Variants in DYNC1I2 observed in about 807,000 individuals in gnomAD.
DYNC1I2 encodes cytoplasmic dynein 1 intermediate chain 2.
A neutral mutation model predicts 88.6 loss-of-function variants in DYNC1I2; 53 were observed. The observed-to-expected ratio is 0.60, with a 90% confidence interval of 0.48 to 0.75. The LOEUF (loss-of-function observed/expected upper bound fraction) is 0.75. DYNC1I2 is among the 30% of genes least tolerant of loss of function. DYNC1I2 has a pLI of 0.00. For synonymous variants in DYNC1I2, 198 were observed against 254.6 expected, an observed-to-expected ratio of 0.78 and a Z score of 2.12; for missense variants, 458 against 766.6, an observed-to-expected ratio of 0.60 and a Z score of 4.75.
intron 15 of DYNC1I2, among the ~76,000 whole-genome samples, chr2:171,738,083 G>A (rs186268828): frequency 6.6e-6 from 1 of 152,156 alleles, no homozygotes; most frequent in Admixed American, 6.6e-5. Context: ...TGTAATTCCA[G>A]CACTTTGGGA....
Position 171,725,598 on chromosome 2 carries a change from G to GTTTTTTTTTTTTTTTTTTTTTGTTTTTT in DYNC1I2, c.512-4_512-3insTTTTTGTTTTTTTTTTTTTTTTTTTTTT. 1.1e-6 allele frequency: 1 copy of GTTTTTTTTTTTTTTTTTTTTTGTTTTTT among 894,262 alleles called. No individual in the cohort carries two copies. The highest frequency in any genetic ancestry group is 2.3e-5 in the South Asian group (1 of 42,984). The allele number at this position is 894,262 out of a possible 1,614,324, so 55.4% of individuals were successfully genotyped here. ...ATTCTGTTTTTTTGTTTTTTTGTTT[G>GTTTTTTTTTTTTTTTTTTTTTGTTTTTT]TTTTTTTTTTTTTTTTCAGATGAAG... On this transcript the variant is annotated intron_variant, in intron 7 of 17. Transcript: ENST00000397119.
At chr2:171,710,607 T>C (rs1275976672) in intron 5 of DYNC1I2, among the ~76,000 whole-genome samples, 2 of 152,190 alleles carry the variant, frequency 1.3e-5, no homozygotes, top group Non-Finnish European at 2.9e-5. Context: ...CTCTCTAACT[T>C]TGCAGATTAG....
chr2:171,733,474 T>G (rs1487564835), intron 15 of DYNC1I2, among the ~76,000 whole-genome samples: 1 of 144,196 alleles, frequency 6.9e-6, no homozygotes. Context: ...TTTTTTTTTT[T>G]TTTTTTTTTT....
intron 15 of DYNC1I2, among the ~76,000 whole-genome samples, chr2:171,741,093 A>G (rs1412622403): frequency 6.6e-5 from 10 of 152,266 alleles, no homozygotes; most frequent in African/African-American, 2.4e-4. Context: ...ACTTTGCATA[A>G]TGTTTTCAAG....
chr2:171,692,854 A>T lies in DYNC1I2; in HGVS notation c.186A>T (p.Ala62=). 1.9e-6 allele frequency: 3 copies of T among 1,607,172 alleles called. No individual in the cohort carries two copies. The South Asian group carries it at 3.4e-5, about 18-fold the overall frequency. The change falls in exon 3 of 18, where the codon GCA becomes GCT. Residue 62 remains alanine (A), a synonymous_variant. Coordinates refer to ENST00000397119, the MANE Select transcript of DYNC1I2 (RefSeq NM_001378.3). Reference sequence around the variant, plus strand: ...AAAAAAAAAGGAGAGAAGCTGAAGCATTGCTTCAAAGCATGGGGCTAACTC... The same window carrying T: ...AAAAAAAAAGGAGAGAAGCTGAAGCTTTGCTTCAAAGCATGGGGCTAACTC... ...DLEKKRREAE[A]LLQSMGLTPE... is the part of the protein sequence containing the mutation.
At chr2:171,694,005 T>C (rs1002274070) in intron 3 of DYNC1I2, among the ~76,000 whole-genome samples, 14 of 152,062 alleles carry the variant, frequency 9.2e-5, no homozygotes, top group South Asian at 8.3e-4. Context: ...CTTAAGACTT[T>C]AGTTTCACTG....
intron 15 of DYNC1I2, among the ~76,000 whole-genome samples, chr2:171,739,046 G>A (rs1394061393): frequency 6.7e-6 from 1 of 150,084 alleles, no homozygotes; most frequent in Non-Finnish European, 1.5e-5. Flanking sequence ...TCCTCGGGAG[G>A]CAGAGGTTGC....
At chr2:171,724,792 T>C (rs1688126916) in intron 7 of DYNC1I2, among the ~76,000 whole-genome samples, 1 of 152,182 alleles carries the variant, frequency 6.6e-6, no homozygotes, top group Non-Finnish European at 1.5e-5. Flanking sequence ...CCCATCTCAG[T>C]GTGTAGCAAA....
intron 7 of DYNC1I2, among the ~76,000 whole-genome samples, chr2:171,721,517 G>T (rs1687901103): frequency 6.6e-6 from 1 of 152,052 alleles, no homozygotes; most frequent in African/African-American, 2.4e-5. Context: ...GGGATTTTTT[G>T]AAAATATTAA....
chr2:171,743,168 A>C (rs933113448), intron 15 of DYNC1I2, among the ~76,000 whole-genome samples: 1 of 152,224 alleles, frequency 6.6e-6, no homozygotes, highest in East Asian at 1.9e-4. Flanking sequence ...CTTAAGGGCA[A>C]GCTAAAGAAA....
chr2:171,688,828 C>G (rs1368910773), intron 1 of DYNC1I2, among the ~76,000 whole-genome samples: 1 of 152,100 alleles, frequency 6.6e-6, no homozygotes, highest in African/African-American at 2.4e-5. Context: ...GAGATTTCCC[C>G]TAACCTCTGG....
chr2:171,711,520 A>G (rs1687127177), intron 5 of DYNC1I2, among the ~76,000 whole-genome samples: 1 of 152,240 alleles, frequency 6.6e-6, no homozygotes, highest in Admixed American at 6.5e-5. Flanking sequence ...CTCTTACATA[A>G]TGTAAATGAC....
At chr2:171,706,410 G>T in intron 3 of DYNC1I2, 137 bp from the exon 4 acceptor site, 2 of 717,694 alleles carry the variant, frequency 2.8e-6, no homozygotes, top group Non-Finnish European at 2.4e-6. Flanking sequence ...TTCAGCTGTT[G>T]TTATATAATG....
rs2105805010 is a variant in DYNC1I2 at position 171,750,041 on chromosome 2, T to A, written c.*2152T>A. ...AGCTATAGCTTTCTGGTTAATTTCT[T>A]ATTTTTCGTTGTTTGGTTTTTGTCT... On this transcript the variant is annotated 3_prime_UTR_variant, in exon 18 of 18. Coordinates refer to ENST00000397119, the MANE Select transcript of DYNC1I2 (RefSeq NM_001378.3). Among the ~76,000 whole-genome samples, 1 of 152,334 alleles carries A rather than the reference T, an allele frequency of 6.6e-6. No individual in the cohort carries two copies. Among genetic ancestry groups the A allele is most frequent in the Non-Finnish European group, 1.5e-5 (1 of 68,020 alleles).
At chr2:171,729,284 G>A (rs1016080037) in intron 14 of DYNC1I2, among the ~76,000 whole-genome samples, 18 of 151,752 alleles carry the variant, frequency 1.2e-4, no homozygotes, top group East Asian at 9.7e-4. Context: ...TTCTCCTTCC[G>A]TTCTGTCTGT....
intron 15 of DYNC1I2, among the ~76,000 whole-genome samples, chr2:171,730,431 C>T (rs1688530363): frequency 6.6e-6 from 1 of 152,140 alleles, no homozygotes; most frequent in African/African-American, 2.4e-5. Flanking sequence ...TTTTAATAAA[C>T]TTCAGTATTT....
intron 4 of DYNC1I2, 186 bp from the exon 5 acceptor site, chr2:171,707,101 T>G: frequency 1.9e-5 from 15 of 769,892 alleles, no homozygotes; most frequent in Non-Finnish European, 2.9e-5. Context: ...TCAGCATGCA[T>G]TGTTAACTTT....
rs532233985 is a variant in DYNC1I2 at position 171,691,062 on chromosome 2, T to C, written c.108+799T>C. Among the ~76,000 whole-genome samples the C allele has an allele frequency of 2.0e-5, 3 of 152,340 alleles. No homozygotes were observed. The South Asian group carries it at 6.2e-4, about 32-fold the overall frequency. ...TTTGCTAGTCTGAATTGCTAATTTG[T>C]CAGAATGGATAATATTAATGGCAAA... is the stretch of plus-strand genomic sequence containing the variant. On this transcript the variant is annotated intron_variant, in intron 2 of 17. Transcript: ENST00000397119.
rs1297730537 is a variant in DYNC1I2, at chr2:171,727,925, A to G, written c.1101A>G (p.Arg367=). Residue 367 remains arginine (R), a synonymous_variant, in exon 12 of 18, where the codon AGA becomes AGG. Coordinates refer to ENST00000397119, the MANE Select transcript of DYNC1I2 (RefSeq NM_001378.3). The part of the protein sequence containing the change: ...IVLWDNRSNK[R]TPVQRTPLSA... ...TTTGGGATAACCGTAGCAATAAAAG[A>G]ACTCCAGTGCAAAGAACTCCACTGT... is the stretch of plus-strand genomic sequence containing the variant. The G allele has an allele frequency of 6.2e-7, 1 of 1,613,344 alleles. No individual in the cohort carries two copies. The highest frequency in any genetic ancestry group is 2.2e-5 in the East Asian group (1 of 44,858).
Sources: allele counts gnomAD v4.1 joint callset (sites outside exome capture counted in the v4.1 genomes callset), GRCh38; gene constraint gnomAD v4.1.1; transcripts MANE v1.5; gene names NCBI Gene and HGNC (gene_info 2026-07-23, HGNC 2026-07-21).